GTF2IRD1: variants seen among roughly 807,000 people sequenced by gnomAD.
The protein encoded by GTF2IRD1 is general transcription factor II-I repeat domain-containing protein 1.
Under a neutral mutation model 113.2 loss-of-function variants are expected in GTF2IRD1, and 26 were observed. The observed-to-expected ratio is 0.23, with a 90% CI of 0.17 to 0.32. GTF2IRD1 has a LOEUF of 0.32. Among genes scored for constraint, GTF2IRD1 ranks in the 10% least tolerant of loss-of-function variants. The pLI is 1.00. For synonymous variants in GTF2IRD1, 484 were observed against 529.1 expected (o/e 0.91, Z 1.17); for missense variants, 864 against 1,280.8 (o/e 0.67, Z 4.97).
chr7:74,493,719 G>T (rs1554337296), intron 1 of GTF2IRD1, among the ~76,000 whole-genome samples: 1 of 151,900 alleles, frequency 6.6e-6, no homozygotes, highest in Non-Finnish European at 1.5e-5. Flanking sequence ...CCCTCTGAGG[G>T]GACCTTATTC....
intron 1 of GTF2IRD1, among the ~76,000 whole-genome samples, chr7:74,498,588 C>A (rs10253050): frequency 0.089 from 13,560 of 152,044 alleles, 1,496 homozygotes; most frequent in East Asian, 0.38. Flanking sequence ...CTCAGGGAAG[C>A]CTTATTTGTC....
chr7:74,505,354 C>T (rs1327249761), intron 1 of GTF2IRD1, among the ~76,000 whole-genome samples: 1 of 152,214 alleles, frequency 6.6e-6, no homozygotes, highest in African/African-American at 2.4e-5. Context: ...CTCCCTCCAT[C>T]TGAGGCCCTT....
At chr7:74,518,346 G>A (rs781928350) in intron 5 of GTF2IRD1, 24 bp downstream of exon 5, 11 of 1,554,504 alleles carry the variant, frequency 7.1e-6, no homozygotes, top group Middle Eastern at 3.5e-4. Context: ...CCGGCCCGGG[G>A]CTGGGCTGGG....
intron 1 of GTF2IRD1, among the ~76,000 whole-genome samples, chr7:74,485,230 C>T (rs1418666515): frequency 6.6e-6 from 1 of 152,178 alleles, no homozygotes; most frequent in African/African-American, 2.4e-5. Context: ...CAGGAGAAAC[C>T]TGGAATGGAT....
rs1372545281 is a variant in GTF2IRD1, at chr7:74,555,943, TC to T, written c.2023+450del. On this transcript the variant is annotated intron_variant, in intron 19 of 26. Transcript: ENST00000424337. This position sits in a 1 kb window ranked among gnomAD's most constrained non-coding sequence, Gnocchi z 5.3. ...GGACAACATAGAACCCGTCTCTATG[TC>T]TATTTTTAAGAAAAGAAATCAGAGG... 2.0e-5 allele frequency among the ~76,000 whole-genome samples: 3 copies of T among 152,014 alleles called. No individual in the cohort carries two copies. Among genetic ancestry groups the T allele is most frequent in the Non-Finnish European group, 4.4e-5 (3 of 68,004 alleles).
chr7:74,572,220 G>A (rs1461051624), intron 22 of GTF2IRD1, among the ~76,000 whole-genome samples: 2 of 152,148 alleles, frequency 1.3e-5, no homozygotes, highest in Non-Finnish European at 2.9e-5. Flanking sequence ...GTGGACATGG[G>A]GAGGGACTGA....
chr7:74,468,326 A>G (rs766870771), intron 1 of GTF2IRD1, among the ~76,000 whole-genome samples: 1 of 150,082 alleles, frequency 6.7e-6, no homozygotes, highest in Non-Finnish European at 1.5e-5. Context: ...ACGTAGTGAG[A>G]CCCTGTTCTC....
In GTF2IRD1 at chr7:74,577,550, A is replaced by G. The variant is rs587665550; in HGVS notation, c.2321-12301A>G. 5.3e-5 allele frequency among the ~76,000 whole-genome samples: 8 copies of G among 152,262 alleles called. No individual in the cohort carries two copies. The South Asian group carries it at 1.7e-3, about 32-fold the overall frequency. Reference sequence around the variant, plus strand: ...CATCATCGTACTTATACAACTTAATAATTCCCTGTCATCTAATACATGGTC... The same window carrying G: ...CATCATCGTACTTATACAACTTAATGATTCCCTGTCATCTAATACATGGTC... On this transcript the variant is annotated intron_variant, in intron 22 of 26. Coordinates refer to ENST00000424337, the MANE Select transcript of GTF2IRD1 (RefSeq NM_005685.4).
chr7:74,526,217 G>T (rs1797586577), intron 8 of GTF2IRD1, among the ~76,000 whole-genome samples: 1 of 152,222 alleles, frequency 6.6e-6, no homozygotes, highest in African/African-American at 2.4e-5. Flanking sequence ...AAAATGCCAA[G>T]CCTTTTCCAA....
intron 1 of GTF2IRD1, among the ~76,000 whole-genome samples, chr7:74,496,397 G>A (rs887158916): frequency 6.7e-6 from 1 of 148,704 alleles, no homozygotes; most frequent in Non-Finnish European, 1.5e-5. Flanking sequence ...ATATATGTGG[G>A]TGTGTGTGCA....
chr7:74,539,822 T>A (rs1184848479), intron 13 of GTF2IRD1, 57 bp from the exon 14 acceptor site: 4 of 1,226,440 alleles, frequency 3.3e-6, no homozygotes, highest in Non-Finnish European at 1.2e-6. Context: ...CCTGAGGGAC[T>A]GTGACAGGAG....
In GTF2IRD1 at chr7:74,523,268, G is replaced by T. The variant is rs181905015; in HGVS notation, c.1007-803G>T. 1.3e-3 allele frequency among the ~76,000 whole-genome samples: 199 copies of T among 152,038 alleles called. 1 individual carries two copies. The highest frequency in any genetic ancestry group is 4.6e-3 in the African/African-American group (192 of 41,464). ...CAGCCAGGAGTGTTGGCTCATACCT[G>T]TCATCCCAGCTGCCTGGGGGGCCGA... On this transcript the variant is annotated intron_variant, in intron 7 of 26. Transcript: ENST00000424337.
chr7:74,501,864 C>T (rs1250691208), intron 1 of GTF2IRD1, among the ~76,000 whole-genome samples: 11 of 152,094 alleles, frequency 7.2e-5, no homozygotes, highest in African/African-American at 2.7e-4. Flanking sequence ...ATTGGCCAAG[C>T]TGGTCTTGAA....
intron 7 of GTF2IRD1, among the ~76,000 whole-genome samples, chr7:74,521,504 G>A (rs1385845472): frequency 6.6e-6 from 1 of 152,198 alleles, no homozygotes; most frequent in South Asian, 2.1e-4. Flanking sequence ...TCTCATGCCT[G>A]TAATCCCAGC....
intron 22 of GTF2IRD1, among the ~76,000 whole-genome samples, chr7:74,569,957 G>A (rs191012098): frequency 1.5e-4 from 23 of 152,280 alleles, no homozygotes; most frequent in African/African-American, 5.1e-4. Flanking sequence ...AGACCTGCCC[G>A]GGGCATCGGA....
chr7:74,557,312 G>A (rs587772724), intron 19 of GTF2IRD1, among the ~76,000 whole-genome samples: 27 of 152,098 alleles, frequency 1.8e-4, no homozygotes, highest in African/African-American at 4.6e-4. Flanking sequence ...TGAAGCCCCC[G>A]CCCCCTGCCT....
rs1400692695 is a variant in GTF2IRD1 at position 74,521,271 on chromosome 7, T to C, written c.980T>C (p.Leu327Pro). 1 of 1,610,894 alleles carries C rather than the reference T, an allele frequency of 6.2e-7. No homozygotes were observed. Among genetic ancestry groups the C allele is most frequent in the African/African-American group, 1.3e-5 (1 of 74,842 alleles). ...IQNVHASKRILFSIVHDKSEK... is the reference protein window; with the variant it reads ...IQNVHASKRIPFSIVHDKSEK... Reference sequence around the variant, plus strand: ...AACGTCCATGCCTCCAAGCGCATTCTCTTCTCCATCGTCCATGACAAGTCA... The same window carrying C: ...AACGTCCATGCCTCCAAGCGCATTCCCTTCTCCATCGTCCATGACAAGTCA... The change falls in exon 7 of 27, where the codon CTC becomes CCC. Residue 327 changes from leucine to proline, a missense_variant. By Grantham distance (98) the Leu-to-Pro change is moderately conservative. Transcript: ENST00000424337.
intron 22 of GTF2IRD1, among the ~76,000 whole-genome samples, chr7:74,569,388 T>C (rs1250205075): frequency 2.0e-5 from 3 of 152,054 alleles, no homozygotes; most frequent in African/African-American, 7.2e-5. Flanking sequence ...AAAAATCAGG[T>C]AGTTAGCATG....
At chr7:74,598,753 G>A (rs587608538) in intron 25 of GTF2IRD1, among the ~76,000 whole-genome samples, 67 of 152,266 alleles carry the variant, frequency 4.4e-4, no homozygotes, top group Middle Eastern at 3.4e-3. Context: ...CTCTCATGGT[G>A]ATTCAAGGAT....
Sources: allele counts gnomAD v4.1 joint callset (sites outside exome capture counted in the v4.1 genomes callset), GRCh38; gene constraint gnomAD v4.1.1; non-coding constraint Gnocchi (gnomAD v3.1); transcripts MANE v1.5; gene names NCBI Gene and HGNC (gene_info 2026-07-23, HGNC 2026-07-21).